Variants in SLF2 observed in about 807,000 individuals in gnomAD.
SLF2 encodes SMC5-SMC6 complex localization factor protein 2.
A neutral mutation model predicts 124.3 loss-of-function variants in SLF2; 68 were observed. That is an observed-to-expected ratio of 0.55 (90% CI 0.45 to 0.67). The LOEUF (loss-of-function observed/expected upper bound fraction) is 0.67. Ranked by LOEUF, SLF2 falls within the 30% of genes least tolerant of loss-of-function variation. The probability of loss-of-function intolerance (pLI) is 0.00; values close to 1 mark genes in which losing one functional copy is unlikely to be tolerated. For synonymous variants in SLF2, 480 were observed against 478.8 expected (o/e 1.00, Z -0.03); for missense variants, 1,246 against 1,373.7 (o/e 0.91, Z 1.47).
chr10:100,921,844 T>C (rs945020663), intron 4 of SLF2, among the ~76,000 whole-genome samples: 1 of 152,252 alleles, frequency 6.6e-6, no homozygotes, highest in African/African-American at 2.4e-5. Context: ...CTCTTTTGTT[T>C]AGTCATTTAA....
chr10:100,964,166 C>T lies in SLF2; in HGVS notation c.*2254C>T, dbSNP rs182412437. The T allele has an allele frequency of 1.6e-4, 25 of 152,678 alleles. No homozygotes were observed. Among genetic ancestry groups the T allele is most frequent in the Middle Eastern group, 3.4e-3 (1 of 294 alleles). 9.5% of individuals were successfully genotyped at this position (152,678 alleles called of 1,614,324 possible). ...TTGTCTCCCTCCTGCTGCTATTGCC[C>T]GGTGAATGGGATGGTAGAGAGGGAG... On this transcript the variant is annotated 3_prime_UTR_variant, in exon 20 of 20. Transcript: ENST00000238961.
chr10:100,961,997 C>A lies in SLF2; in HGVS notation c.*85C>A. ...GGAGTAGAAAGGATTATTACAGAAT[C>A]CAATGAATGCCAAGAAAATGTACAG... is the stretch of plus-strand genomic sequence containing the variant. On this transcript the variant is annotated 3_prime_UTR_variant, in exon 20 of 20. Transcript: ENST00000238961. 9.2e-6 allele frequency: 11 copies of A among 1,192,352 alleles called. No individual in the cohort carries two copies. Among genetic ancestry groups the A allele is most frequent in the South Asian group, 8.5e-5 (5 of 58,530 alleles). 73.9% of individuals were successfully genotyped at this position (1,192,352 alleles called of 1,614,324 possible).
At chr10:100,959,030 G>A (rs778860640) in intron 18 of SLF2, among the ~76,000 whole-genome samples, 1 of 152,180 alleles carries the variant, frequency 6.6e-6, no homozygotes, top group Non-Finnish European at 1.5e-5. Context: ...TCAAAGGGAA[G>A]CTGGGAAGGG....
At chr10:100,915,102 G>C (rs753284865) in intron 1 of SLF2, among the ~76,000 whole-genome samples, 5 of 152,072 alleles carry the variant, frequency 3.3e-5, no homozygotes, top group Non-Finnish European at 5.9e-5. Flanking sequence ...TAGCATTATT[G>C]CCAATGTCAG....
intron 6 of SLF2, among the ~76,000 whole-genome samples, chr10:100,928,068 C>CAT (rs1491324670): frequency 5.0e-5 from 3 of 59,534 alleles, no homozygotes; most frequent in African/African-American, 1.7e-4. Flanking sequence ...CACACACACA[C>CAT]GAGAGAGAGA....
Position 100,924,765 on chromosome 10 carries a change from A to G in SLF2, c.1764A>G (p.Ala588=). The change falls in exon 5 of 20, where the codon GCA becomes GCG. Residue 588 remains alanine (A), a synonymous_variant. Coordinates refer to ENST00000238961, the MANE Select transcript of SLF2 (RefSeq NM_018121.4). Reference sequence around the variant, plus strand: ...GAGAGAGTTCAGGAAATTCCAATGCAGGTAGCAGTGCACTGAAAAGAAAAC... The same window carrying G: ...GAGAGAGTTCAGGAAATTCCAATGCGGGTAGCAGTGCACTGAAAAGAAAAC... ...SEGESSGNSN[A]GSSALKRKLR... 1 of 1,614,188 alleles carries G rather than the reference A, an allele frequency of 6.2e-7. No individual in the cohort carries two copies. Among genetic ancestry groups the G allele is most frequent in the Non-Finnish European group, 8.5e-7 (1 of 1,180,040 alleles).
Position 100,962,404 on chromosome 10 carries a change from T to G in SLF2, c.*492T>G, listed in dbSNP as rs958648949. 1 of 152,558 alleles carries G rather than the reference T, an allele frequency of 6.6e-6. No homozygotes were observed. Among genetic ancestry groups the G allele is most frequent in the Non-Finnish European group, 1.5e-5 (1 of 68,136 alleles). 9.5% of individuals were successfully genotyped at this position (152,558 alleles called of 1,614,324 possible). On this transcript the variant is annotated 3_prime_UTR_variant, in exon 20 of 20. Transcript: ENST00000238961. ...ACAAAGGGAATGCTTAAAACTGAGT[T>G]TAGTAATAAAAAGCATAAATCTCTT...
intron 12 of SLF2, among the ~76,000 whole-genome samples, chr10:100,944,696 G>T (rs1850065017): frequency 6.6e-6 from 1 of 152,004 alleles, no homozygotes; most frequent in African/African-American, 2.4e-5. Context: ...GATGTATGAA[G>T]AAAAAAGACT....
At chr10:100,922,799 G>A (rs747508702) in intron 4 of SLF2, among the ~76,000 whole-genome samples, 21 of 146,846 alleles carry the variant, frequency 1.4e-4, no homozygotes, top group Non-Finnish European at 2.4e-4. Flanking sequence ...TTTTTGAAAC[G>A]GAGTCTTGCT....
Position 100,913,229 on chromosome 10 carries a change from G to A in SLF2, c.119G>A (p.Arg40Lys). The change falls in exon 1 of 20, where the codon AGA becomes AAA. Residue 40 changes from arginine to lysine, a missense_variant. Transcript: ENST00000238961. ...ACCGCCCATGCTGCAGCGGGAAAGA[G>A]AACAGAGAGTCCTGGGGACAGGTAC... The part of the protein sequence containing the change: ...GSTAHAAAGK[R>K]TESPGDRKQS... 6.2e-7 allele frequency: 1 copy of A among 1,610,098 alleles called. No homozygotes were observed. Among genetic ancestry groups the A allele is most frequent in the Non-Finnish European group, 8.5e-7 (1 of 1,178,314 alleles).
rs1183357571 is a variant in SLF2 at position 100,944,057 on chromosome 10, G to A, written c.2686G>A (p.Glu896Lys). 5 of 1,612,550 alleles carry A rather than the reference G, an allele frequency of 3.1e-6. 1 individual carries two copies. The Admixed American group carries it at 6.7e-5, about 22-fold the overall frequency. ...AACACAGACAACATCAAGGGGGAAA[G>A]AAAGTGAAGATTCATCTTATAAGCC... is the stretch of plus-strand genomic sequence containing the variant. ...SETQTTSRGK[E>K]SEDSSYKPIF... The change falls in exon 12 of 20, where the codon GAA (glutamate) becomes AAA (lysine). Residue 896 changes from glutamate to lysine, a missense_variant. Glu to Lys is a moderately conservative substitution (Grantham distance 56). Around this residue, in one of 3 missense-constraint regions of SLF2, gnomAD observed 535 missense variants for 632.8 expected, o/e 0.85. Coordinates refer to ENST00000238961, the MANE Select transcript of SLF2 (RefSeq NM_018121.4).
At chr10:100,961,033 G>C (rs1460234962) in intron 19 of SLF2, among the ~76,000 whole-genome samples, 1 of 87,206 alleles carries the variant, frequency 1.1e-5, no homozygotes, top group Non-Finnish European at 2.1e-5. Flanking sequence ...TTTTTGAGAC[G>C]GAGTCTTGCT....
chr10:100,930,990 AT>A lies in SLF2; in HGVS notation c.2349del (p.Gln784ArgfsTer4), dbSNP rs1486256992. The A allele has an allele frequency of 6.2e-7, 1 of 1,613,772 alleles. No individual in the cohort carries two copies. Among genetic ancestry groups the A allele is most frequent in the Non-Finnish European group, 8.5e-7 (1 of 1,179,852 alleles). ...EKLILKSGKT[D>X]QIFLTTQGFL... Reference sequence around the variant, plus strand: ...TATTTTTTCAGATCGGGAAAAACAGATCAGATTTTTTTGACAACACAAGGTT... The same window carrying A: ...TATTTTTTCAGATCGGGAAAAACAGACAGATTTTTTTGACAACACAAGGTT... On this transcript the variant is annotated frameshift_variant, in exon 9 of 20. Coordinates refer to ENST00000238961, the MANE Select transcript of SLF2 (RefSeq NM_018121.4). LOFTEE classifies it high-confidence loss of function.
intron 19 of SLF2, 28 bp from the exon 20 acceptor site, chr10:100,961,849 C>T (rs753480825): frequency 6.2e-7 from 1 of 1,602,388 alleles, no homozygotes; most frequent in African/African-American, 1.3e-5. Context: ...TTTTGCTTTA[C>T]CCTCTTTTTT....
chr10:100,941,249 A>T (rs1339827745), intron 11 of SLF2, among the ~76,000 whole-genome samples: 1 of 152,164 alleles, frequency 6.6e-6, no homozygotes, highest in Non-Finnish European at 1.5e-5. Flanking sequence ...GTAGAGTGAA[A>T]ATGTTTGCAG....
rs904299132 is a variant in SLF2, at chr10:100,924,945, G to C, written c.1944G>C (p.Gly648=). 6 of 1,613,508 alleles carry C rather than the reference G, an allele frequency of 3.7e-6. No homozygotes were observed. The Admixed American group carries it at 8.3e-5, about 22-fold the overall frequency. ...ATGKPPALSK[G]LRSQSSDYTG... is the part of the protein sequence containing the mutation. ...GAAAGCCTCCTGCTCTTTCCAAGGGGCTTAGATCTCAGTCATCAGACTATA... is the reference window on the plus strand; with the variant it reads ...GAAAGCCTCCTGCTCTTTCCAAGGGCCTTAGATCTCAGTCATCAGACTATA... The change falls in exon 5 of 20, where the codon GGG becomes GGC. Residue 648 remains glycine (G), a synonymous_variant. Coordinates refer to ENST00000238961, the MANE Select transcript of SLF2 (RefSeq NM_018121.4).
intron 4 of SLF2, among the ~76,000 whole-genome samples, 181 bp downstream of exon 4, chr10:100,918,622 T>C (rs567044091): frequency 8.4e-4 from 128 of 152,270 alleles, no homozygotes; most frequent in Non-Finnish European, 1.5e-3. Flanking sequence ...CTAGTACTTA[T>C]AATTTGGGTT....
intron 4 of SLF2, among the ~76,000 whole-genome samples, chr10:100,920,440 G>C (rs1237561214): frequency 6.6e-6 from 1 of 152,156 alleles, no homozygotes; most frequent in Non-Finnish European, 1.5e-5. Flanking sequence ...CATATTTTCA[G>C]AGGCTGACTT....
At chr10:100,954,666 A>G (rs1441859617) in intron 17 of SLF2, among the ~76,000 whole-genome samples, 1 of 152,166 alleles carries the variant, frequency 6.6e-6, no homozygotes, top group Admixed American at 6.5e-5. Context: ...AAAATAGGCC[A>G]GGTGTGGTGG....
Sources: gnomAD v4.1 joint callset for allele counts (sites outside exome capture counted in the v4.1 genomes callset) on GRCh38, gnomAD v4.1.1 for gene constraint, gnomAD v4.1.1 regional missense constraint, MANE v1.5 for transcripts, NCBI Gene and HGNC (gene_info 2026-07-23, HGNC 2026-07-21) for gene names.